Variants in ZFPM2 observed in about 807,000 individuals in gnomAD.
The protein encoded by ZFPM2 is zinc finger protein ZFPM2.
ZFPM2 carries 20 observed loss-of-function variants against 98.6 expected under a neutral mutation model. The ratio of observed to expected loss-of-function variants is 0.20; its 90% confidence interval spans 0.14 to 0.29. The LOEUF is 0.29. Ranked by LOEUF, ZFPM2 falls within the 10% of genes least tolerant of loss-of-function variation. The pLI is 1.00. For missense variants in ZFPM2, 1,310 were observed against 1,388.6 expected (o/e 0.94, Z 0.90); for synonymous variants, 518 against 502.7 (o/e 1.03, Z -0.41).
intron 3 of ZFPM2, among the ~76,000 whole-genome samples, chr8:105,499,065 C>T (rs1813534415): frequency 6.6e-6 from 1 of 152,056 alleles, no homozygotes; most frequent in Non-Finnish European, 1.5e-5. Context: ...TTAAAATAGG[C>T]ATAGTTTGCC....
At chr8:105,393,378 CTTT>C (rs773789839) in intron 1 of ZFPM2, among the ~76,000 whole-genome samples, 4,929 of 112,740 alleles carry the variant, frequency 0.044, 197 homozygotes, top group Middle Eastern at 0.052. Flanking sequence ...TTCTTTCTTT[CTTT>C]CTTTCTTTCT....
intron 4 of ZFPM2, among the ~76,000 whole-genome samples, chr8:105,589,416 C>CT (rs1483950515): frequency 1.3e-5 from 2 of 152,154 alleles, no homozygotes; most frequent in African/African-American, 4.8e-5. Context: ...GCAAAAGTGA[C>CT]TTTTTGTAAT....
intron 5 of ZFPM2, chr8:105,679,117 A>T (rs1182473288): frequency 1.3e-5 from 2 of 152,204 alleles, no homozygotes; most frequent in Non-Finnish European, 2.9e-5. Flanking sequence ...AGATGAGTTG[A>T]TAGTATACTT....
intron 5 of ZFPM2, among the ~76,000 whole-genome samples, chr8:105,666,741 G>A (rs1044808334): frequency 1.3e-5 from 2 of 151,680 alleles, no homozygotes; most frequent in African/African-American, 2.4e-5. Context: ...CTGCTGAAAC[G>A]TTAACATGAA....
At chr8:105,407,556 C>T (rs1383940575) in intron 1 of ZFPM2, among the ~76,000 whole-genome samples, 3 of 151,826 alleles carry the variant, frequency 2.0e-5, no homozygotes, top group Non-Finnish European at 4.4e-5. Context: ...GGTGCGAAAT[C>T]CCCCATACTT....
intron 3 of ZFPM2, among the ~76,000 whole-genome samples, chr8:105,545,781 T>G (rs904242473): frequency 6.6e-6 from 1 of 152,198 alleles, no homozygotes. Context: ...GAAAAAAATC[T>G]AATGGCAGCC....
At chr8:105,766,528 G>A (rs1044686143) in intron 5 of ZFPM2, among the ~76,000 whole-genome samples, 3 of 151,846 alleles carry the variant, frequency 2.0e-5, no homozygotes, top group Admixed American at 6.6e-5. Context: ...AAAATACAAG[G>A]CAGGAAGTAA....
chr8:105,437,682 A>G (rs189349679), intron 2 of ZFPM2, among the ~76,000 whole-genome samples: 69 of 152,270 alleles, frequency 4.5e-4, no homozygotes, highest in Admixed American at 2.6e-3. Context: ...TTCCTGCACA[A>G]TAACTTAATT....
At chr8:105,364,428 T>A (rs906241630) in intron 1 of ZFPM2, among the ~76,000 whole-genome samples, 3 of 151,960 alleles carry the variant, frequency 2.0e-5, no homozygotes, top group African/African-American at 7.3e-5. Context: ...GGAAGAAAAG[T>A]TCAGGAAAAA....
intron 1 of ZFPM2, among the ~76,000 whole-genome samples, chr8:105,366,336 T>C (rs1031363678): frequency 6.6e-6 from 1 of 152,110 alleles, no homozygotes; most frequent in African/African-American, 2.4e-5. Context: ...GATTGCTTGA[T>C]ATAGAGGAGA....
intron 5 of ZFPM2, among the ~76,000 whole-genome samples, chr8:105,692,538 T>G (rs1340293530): frequency 6.6e-6 from 1 of 152,220 alleles, no homozygotes; most frequent in Non-Finnish European, 1.5e-5. Flanking sequence ...TGTAATTCAA[T>G]GTAGCATGCA....
intron 5 of ZFPM2, among the ~76,000 whole-genome samples, chr8:105,707,031 G>T (rs145330242): frequency 0.015 from 2,317 of 152,110 alleles, 69 homozygotes; most frequent in African/African-American, 0.053. Context: ...GCTTGAGCTT[G>T]GGAGTTTGAG....
chr8:105,633,765 C>T (rs1461040632), intron 4 of ZFPM2, among the ~76,000 whole-genome samples: 1 of 152,124 alleles, frequency 6.6e-6, no homozygotes, highest in Non-Finnish European at 1.5e-5. Context: ...TTTCATTATT[C>T]ATTCAGAATA....
chr8:105,639,333 C>G (rs1816906373), intron 5 of ZFPM2, among the ~76,000 whole-genome samples: 1 of 151,938 alleles, frequency 6.6e-6, no homozygotes, highest in African/African-American at 2.4e-5. Context: ...CACTCAGCTT[C>G]AAATCGGGAA....
At chr8:105,726,681 G>A (rs1015071146) in intron 5 of ZFPM2, among the ~76,000 whole-genome samples, 9 of 151,788 alleles carry the variant, frequency 5.9e-5, no homozygotes, top group African/African-American at 2.2e-4. Context: ...GTGAAAGGAT[G>A]CACTTAAGAT....
At chr8:105,611,700 A>AAT (rs1816310536) in intron 4 of ZFPM2, among the ~76,000 whole-genome samples, 1 of 143,558 alleles carries the variant, frequency 7.0e-6, no homozygotes, top group Non-Finnish European at 1.5e-5. Context: ...ACAAAAAAAA[A>AAT]TTTTTTTTTT....
intron 5 of ZFPM2, among the ~76,000 whole-genome samples, chr8:105,692,996 C>T (rs1337652315): frequency 6.6e-6 from 1 of 152,068 alleles, no homozygotes; most frequent in Non-Finnish European, 1.5e-5. Flanking sequence ...AAGTAGAACG[C>T]AGACAGAGGT....
chr8:105,706,590 G>GT (rs886454255), intron 5 of ZFPM2, among the ~76,000 whole-genome samples: 18 of 151,624 alleles, frequency 1.2e-4, no homozygotes, highest in South Asian at 2.1e-4. Flanking sequence ...TTGTTTTTGG[G>GT]TTTTTTTTGG....
chr8:105,495,571 A>G (rs1292494784), intron 3 of ZFPM2, among the ~76,000 whole-genome samples: 11 of 152,130 alleles, frequency 7.2e-5, no homozygotes. Context: ...CTGCCTTATA[A>G]ATATCCATAG....
Sources: gnomAD v4.1 joint callset for allele counts (sites outside exome capture counted in the v4.1 genomes callset) on GRCh38, gnomAD v4.1.1 for gene constraint, MANE v1.5 for transcripts, NCBI Gene and HGNC (gene_info 2026-07-23, HGNC 2026-07-21) for gene names.